Variants in WDR19 observed in about 807,000 individuals in gnomAD.
The protein encoded by WDR19 is WD repeat-containing protein 19.
A neutral mutation model predicts 180.0 loss-of-function variants in WDR19; 121 were observed. The ratio of observed to expected loss-of-function variants is 0.67; its 90% CI spans 0.58 to 0.78. WDR19 has a LOEUF of 0.78. Ranked by LOEUF, WDR19 falls within the 30% of genes least tolerant of loss-of-function variation. The pLI is 0.00. For missense variants in WDR19, 1,450 were observed against 1,640.7 expected, an observed-to-expected ratio of 0.88 and a Z score of 2.01; for synonymous variants, 497 against 540.7, an observed-to-expected ratio of 0.92 and a Z score of 1.12.
In WDR19 at chr4:39,281,236, T is replaced by TATAGAGAG. The variant is rs762298152; in HGVS notation, c.*13+2574_*13+2575insTAGAGAGA. ...GTGTGTATATATATATATATATATA[T>TATAGAGAG]AGAGAGAGAGAGAGAGAGAGAGAGA... On this transcript the variant is annotated intron_variant, in intron 36 of 36. Transcript: ENST00000399820. 2.0e-3 allele frequency among the ~76,000 whole-genome samples: 211 copies of TATAGAGAG among 104,016 alleles called. 2 individuals carry two copies. Among genetic ancestry groups the TATAGAGAG allele is most frequent in the East Asian group, 8.3e-3 (33 of 3,984 alleles). The allele number at this position is 104,016 out of a possible 152,430, so 68.2% of individuals were successfully genotyped here.
intron 31 of WDR19, 87 bp downstream of exon 31, chr4:39,270,187 C>A: frequency 6.6e-7 from 1 of 1,515,498 alleles, no homozygotes; most frequent in South Asian, 1.2e-5. Flanking sequence ...CCATTGGATT[C>A]GAGTGATTGT....
chr4:39,273,276 C>T (rs910010521), intron 32 of WDR19: 1 of 501,770 alleles, frequency 2.0e-6, no homozygotes, highest in Non-Finnish European at 3.5e-6. Flanking sequence ...GTACCAAAGC[C>T]GAGATTTATC....
chr4:39,217,133 G>A lies in WDR19; in HGVS notation c.1250-1G>A, dbSNP rs1327583103. The A allele has an allele frequency of 1.4e-5, 22 of 1,596,564 alleles. No homozygotes were observed. In the Admixed American group the frequency reaches 3.6e-4, roughly 26 times the overall value. On this transcript the variant is annotated splice_acceptor_variant, in intron 12 of 36. Coordinates refer to ENST00000399820, the MANE Select transcript of WDR19 (RefSeq NM_025132.4). LOFTEE classifies it high-confidence loss of function. ...GTGTTGGTTTTTAAAAATTGCTACA[G>A]CTGTGAAAAAATTGAAAGATATGGA...
At chr4:39,281,275 C>A (rs1170621035) in intron 36 of WDR19, among the ~76,000 whole-genome samples, 1 of 128,874 alleles carries the variant, frequency 7.8e-6, no homozygotes, top group Admixed American at 7.4e-5. Flanking sequence ...AGCCTACTAA[C>A]AAGTCAGGAA....
At chr4:39,267,580 T>G (rs1483564186) in intron 29 of WDR19, among the ~76,000 whole-genome samples, 1 of 152,204 alleles carries the variant, frequency 6.6e-6, no homozygotes, top group Non-Finnish European at 1.5e-5. Context: ...TTATGGAAAG[T>G]TTGCAAAGTT....
In WDR19 at chr4:39,272,897, G is replaced by A. The variant is rs796817826; in HGVS notation, c.3484-83G>A. 4 of 1,139,182 alleles carry A rather than the reference G, an allele frequency of 3.5e-6. No individual in the cohort carries two copies. The African/African-American group carries it at 6.3e-5, about 18-fold the overall frequency. 70.6% of individuals were successfully genotyped at this position (1,139,182 alleles called of 1,614,324 possible). A position where few individuals can be genotyped will look rare whatever the true frequency, so the allele number is the denominator to read the frequency against. ...CACAGTGACCCTGGGCCATCATCAA[G>A]GAGTTGTTTATTTGGGGGAACAAAG... On this transcript the variant is annotated intron_variant, in intron 31 of 36. Coordinates refer to ENST00000399820, the MANE Select transcript of WDR19 (RefSeq NM_025132.4).
intron 5 of WDR19, among the ~76,000 whole-genome samples, chr4:39,198,108 G>T (rs1040252706): frequency 3.9e-5 from 6 of 152,124 alleles, no homozygotes; most frequent in African/African-American, 1.4e-4. Context: ...TTCCCAAAGT[G>T]CTGGGATTAT....
At chr4:39,190,983 T>C (rs372361399) in intron 4 of WDR19, among the ~76,000 whole-genome samples, 10 of 152,364 alleles carry the variant, frequency 6.6e-5, no homozygotes, top group Non-Finnish European at 1.2e-4. Context: ...TGTTTCTAAC[T>C]GGTCTATCTC....
At position 39,198,728 on chromosome 4, in the gene WDR19, G is replaced by A. The variant is rs1007360098; in HGVS notation, c.407-750G>A. ...AAAAAATACAAAAATGGCCAGGTGC[G>A]GTGGCTCACGCCTGTAATCCCACCA... On this transcript the variant is annotated intron_variant, in intron 5 of 36. Coordinates refer to ENST00000399820, the MANE Select transcript of WDR19 (RefSeq NM_025132.4). Among the ~76,000 whole-genome samples the A allele has an allele frequency of 1.2e-4, 18 of 152,198 alleles. No individual in the cohort carries two copies. The East Asian group carries it at 1.9e-3, about 16-fold the overall frequency.
At chr4:39,240,829 G>A (rs1191866178) in intron 21 of WDR19, among the ~76,000 whole-genome samples, 16 of 151,500 alleles carry the variant, frequency 1.1e-4, no homozygotes, top group African/African-American at 2.7e-4. Flanking sequence ...GGTGGTGCAC[G>A]CCTGTAGTCC....
chr4:39,184,453 G>A (rs1009774818), intron 1 of WDR19, among the ~76,000 whole-genome samples: 5 of 151,802 alleles, frequency 3.3e-5, no homozygotes, highest in Non-Finnish European at 7.4e-5. Flanking sequence ...ACTGCTTTGT[G>A]TTTGGTTGTT....
chr4:39,272,710 G>A (rs1735485897), intron 31 of WDR19, among the ~76,000 whole-genome samples: 1 of 152,250 alleles, frequency 6.6e-6, no homozygotes, highest in African/African-American at 2.4e-5. Flanking sequence ...AGAATGGCCA[G>A]TAAGAGATAG....
rs1009224805 is a variant in WDR19 at position 39,205,454 on chromosome 4, G to A, written c.717-109G>A. On this transcript the variant is annotated intron_variant, in intron 8 of 36. Coordinates refer to ENST00000399820, the MANE Select transcript of WDR19 (RefSeq NM_025132.4). ...ATTATCTGACACAAAGTAGGCCCTT[G>A]ATAAATTATATTCTATAATTCCTTA... 4 of 1,330,888 alleles carry A rather than the reference G, an allele frequency of 3.0e-6. No individual in the cohort carries two copies. In the African/African-American group the frequency reaches 4.5e-5, roughly 15 times the overall value. 82.4% of individuals were successfully genotyped at this position (1,330,888 alleles called of 1,614,324 possible). A position where few individuals can be genotyped will look rare whatever the true frequency, so the allele number is the denominator to read the frequency against.
chr4:39,262,672 A>G (rs972435977), intron 28 of WDR19, among the ~76,000 whole-genome samples: 31 of 152,214 alleles, frequency 2.0e-4, no homozygotes, highest in South Asian at 1.0e-3. Context: ...AGCCTTTCCT[A>G]AACTGTCCTC....
chr4:39,245,497 G>A (rs1447818956), intron 24 of WDR19, 45 bp downstream of exon 24: 17 of 1,570,672 alleles, frequency 1.1e-5, no homozygotes, highest in Non-Finnish European at 1.4e-5. Context: ...AGTAATGTAA[G>A]CTTTACAAAT....
intron 21 of WDR19, among the ~76,000 whole-genome samples, chr4:39,243,276 C>A (rs34951424): frequency 0.083 from 12,613 of 152,202 alleles, 663 homozygotes; most frequent in East Asian, 0.2. Context: ...GTAATTCACA[C>A]ACACTCCATG....
At chr4:39,194,810 C>A in intron 5 of WDR19, 151 bp downstream of exon 5, 1 of 593,328 alleles carries the variant, frequency 1.7e-6, no homozygotes, top group Non-Finnish European at 3.0e-6. Flanking sequence ...TTTAGCTAAA[C>A]ATGAAGATCC....
chr4:39,274,498 C>T (rs1735702480), intron 32 of WDR19: 1 of 305,006 alleles, frequency 3.3e-6, no homozygotes, highest in Non-Finnish European at 6.2e-6. Flanking sequence ...TATCAGCAGT[C>T]CTGTCAGATG....
At chr4:39,195,366 CAAA>C (rs10710164) in intron 5 of WDR19, among the ~76,000 whole-genome samples, 1 of 135,626 alleles carries the variant, frequency 7.4e-6, no homozygotes, top group Non-Finnish European at 1.6e-5. Context: ...GACTTCATCT[CAAA>C]AAAAAAAAAC....
Sources: gnomAD v4.1 joint callset for allele counts (sites outside exome capture counted in the v4.1 genomes callset) on GRCh38, gnomAD v4.1.1 for gene constraint, MANE v1.5 for transcripts, NCBI Gene and HGNC (gene_info 2026-07-23, HGNC 2026-07-21) for gene names.